Variants in FLRT3 observed in about 807,000 individuals in gnomAD.
The protein encoded by FLRT3 is leucine-rich repeat transmembrane protein FLRT3.
FLRT3 carries 17 observed loss-of-function variants against 42.6 expected under a neutral mutation model. That is an observed-to-expected ratio of 0.40 (90% CI 0.27 to 0.60). The LOEUF is 0.60. Ranked by LOEUF, FLRT3 falls within the 20% of genes least tolerant of loss-of-function variation. FLRT3 has a pLI of 0.44. For synonymous variants in FLRT3, 279 were observed against 286.4 expected, an observed-to-expected ratio of 0.97 and a Z score of 0.26; for missense variants, 635 against 789.2, an observed-to-expected ratio of 0.80 and a Z score of 2.34.
chr20:14,330,647 C>T (rs912184897), intron 1 of FLRT3, among the ~76,000 whole-genome samples: 1 of 152,016 alleles, frequency 6.6e-6, no homozygotes, highest in African/African-American at 2.4e-5. Context: ...ATTATTTACG[C>T]AACTTGAAAC....
rs1283843617 is a variant in FLRT3 at position 14,326,949 on chromosome 20, G to A, written c.558C>T (p.Arg186=). 8 of 1,613,726 alleles carry A rather than the reference G, an allele frequency of 5.0e-6. No individual in the cohort carries two copies. Among genetic ancestry groups the A allele is most frequent in the Non-Finnish European group, 6.8e-6 (8 of 1,179,770 alleles). ...TIEELRLDDN[R]ISTISSPSLQ... is the part of the protein sequence containing the mutation. ...GAGATGGTGATGAAATAGTGGATAT[G>A]CGATTATCATCCAAGCGTAGTTCTT... The change falls in exon 3 of 3, where the codon CGC becomes CGT. Residue 186 remains arginine, a synonymous_variant. Coordinates refer to ENST00000341420, the MANE Select transcript of FLRT3 (RefSeq NM_198391.3). The surrounding 1 kb of genome is among the most constrained non-coding windows in gnomAD (Gnocchi z 5.5).
chr20:14,327,445 A>G lies in FLRT3; in HGVS notation c.62T>C (p.Val21Ala). 3 of 1,613,516 alleles carry G rather than the reference A, an allele frequency of 1.9e-6. No individual in the cohort carries two copies. Among genetic ancestry groups the G allele is most frequent in the South Asian group, 1.1e-5 (1 of 91,068 alleles). ...IGTKIGLFLQ[V>A]APLSVMAKSC... ...TTTAGCCATAACTGATAGAGGTGCT[A>G]CTTGAAGGAACAGCCCAATTTTAGT... The change falls in exon 3 of 3, where the codon GTA becomes GCA. Residue 21 changes from valine to alanine, a missense_variant. Transcript: ENST00000341420.
In FLRT3 at chr20:14,324,134, C is replaced by G. The variant is rs996050890; in HGVS notation, c.*1423G>C. ...AAAAAGCAAGCACAATTATTCTGTA[C>G]TTTTTAAAAGTTTTATTCAGCAATA... On this transcript the variant is annotated 3_prime_UTR_variant, in exon 3 of 3. Coordinates refer to ENST00000341420, the MANE Select transcript of FLRT3 (RefSeq NM_198391.3). 6.6e-6 allele frequency: 1 copy of G among 152,422 alleles called. No homozygotes were observed. Among genetic ancestry groups the G allele is most frequent in the Non-Finnish European group, 1.5e-5 (1 of 68,002 alleles). 9.4% of individuals were successfully genotyped at this position (152,422 alleles called of 1,614,324 possible).
rs913529919 is a variant in FLRT3 at position 14,325,412 on chromosome 20, A to G, written c.*145T>C. 3.1e-5 allele frequency: 24 copies of G among 785,582 alleles called. No homozygotes were observed. Among genetic ancestry groups the G allele is most frequent in the Middle Eastern group, 3.7e-4 (1 of 2,684 alleles). 48.7% of individuals were successfully genotyped at this position (785,582 alleles called of 1,614,324 possible). ...TTGAAACTTTTAATAAAAAGTTCTT[A>G]AATATAAATTATATGGCAAATGTAC... On this transcript the variant is annotated 3_prime_UTR_variant, in exon 3 of 3. Transcript: ENST00000341420.
intron 2 of FLRT3, 24 bp downstream of exon 2, chr20:14,329,110 A>G (rs746727037): frequency 6.6e-6 from 1 of 152,106 alleles, no homozygotes; most frequent in African/African-American, 2.4e-5. Flanking sequence ...TTTGTACAGT[A>G]GCTACATCCT....
chr20:14,335,010 A>T (rs1310178391), intron 1 of FLRT3, among the ~76,000 whole-genome samples: 2 of 152,206 alleles, frequency 1.3e-5, no homozygotes, highest in Admixed American at 6.5e-5. Flanking sequence ...TGGTATGAAC[A>T]TTGGCATATC....
At chr20:14,333,301 G>A (rs1194566315) in intron 1 of FLRT3, among the ~76,000 whole-genome samples, 24 of 152,028 alleles carry the variant, frequency 1.6e-4, no homozygotes, top group Admixed American at 6.6e-4. Context: ...TCCCCGGTAC[G>A]TTTCTGACAA....
chr20:14,326,489 C>A lies in FLRT3; in HGVS notation c.1018G>T (p.Val340Phe), dbSNP rs756352350. ...AGATCCTTAATAGCCATCCCACGAACCTTTTCTGGGGCTTGGCACATGAGC... is the reference window on the plus strand; with the variant it reads ...AGATCCTTAATAGCCATCCCACGAAACTTTTCTGGGGCTTGGCACATGAGC... ...RGLMCQAPEK[V>F]RGMAIKDLNA... The change falls in exon 3 of 3, where the codon GTT becomes TTT. Residue 340 changes from valine (V) to phenylalanine (F), a missense_variant. Val to Phe is a conservative substitution (Grantham distance 50). Transcript: ENST00000341420. This position sits in a 1 kb window ranked among gnomAD's most constrained non-coding sequence, Gnocchi z 5.5. The A allele has an allele frequency of 2.5e-6, 4 of 1,613,882 alleles. No homozygotes were observed. The highest frequency in any genetic ancestry group is 2.7e-5 in the African/African-American group (2 of 75,012).
intron 1 of FLRT3, among the ~76,000 whole-genome samples, chr20:14,335,615 A>C (rs1003461626): frequency 3.3e-5 from 5 of 152,172 alleles, no homozygotes; most frequent in African/African-American, 1.2e-4. Flanking sequence ...TTTTGAACCC[A>C]GTCATAATTG....
At chr20:14,337,234 G>T (rs204607) in intron 1 of FLRT3, among the ~76,000 whole-genome samples, 170 bp downstream of exon 1, 1 of 152,114 alleles carries the variant, frequency 6.6e-6, no homozygotes, top group African/African-American at 2.4e-5. Flanking sequence ...ATTCAGCCAT[G>T]ATAGTGAAAT....
At position 14,325,659 on chromosome 20, in the gene FLRT3, A is replaced by G; in HGVS notation, c.1848T>C (p.Pro616=). 1.2e-6 allele frequency: 2 copies of G among 1,613,758 alleles called. No homozygotes were observed. Among genetic ancestry groups the G allele is most frequent in the Non-Finnish European group, 1.7e-6 (2 of 1,179,776 alleles). ...TTTTGTACAGATTCATTCCATTAGGAGGAAATATGGTGTGTATTACAAACT... is the reference window on the plus strand; with the variant it reads ...TTTTGTACAGATTCATTCCATTAGGGGGAAATATGGTGTGTATTACAAACT... The part of the protein sequence containing the change: ...KEEFVIHTIF[P]PNGMNLYKNN... The change falls in exon 3 of 3, where the codon CCT becomes CCC. Residue 616 remains proline, a synonymous_variant. Transcript: ENST00000341420.
In FLRT3 at chr20:14,325,338, A is replaced by C. The variant is rs1319741755; in HGVS notation, c.*219T>G. The stretch of plus-strand genomic sequence containing the variant: ...TTACTAAAAAATACTAAAATATAGA[A>C]TTGTGTTCAGGCATCTCCACTACAT... On this transcript the variant is annotated 3_prime_UTR_variant, in exon 3 of 3. Coordinates refer to ENST00000341420, the MANE Select transcript of FLRT3 (RefSeq NM_198391.3). The C allele has an allele frequency of 2.4e-6, 1 of 419,110 alleles. No homozygotes were observed. Among genetic ancestry groups the C allele is most frequent in the African/African-American group, 2.1e-5 (1 of 48,586 alleles). 26.0% of individuals were successfully genotyped at this position (419,110 alleles called of 1,614,324 possible). A position where few individuals can be genotyped will look rare whatever the true frequency, so the allele number is the denominator to read the frequency against.
chr20:14,330,309 C>T (rs2301025), intron 1 of FLRT3, among the ~76,000 whole-genome samples: 59,316 of 151,684 alleles, frequency 0.39, 12,855 homozygotes, highest in Non-Finnish European at 0.49. Flanking sequence ...GAGTAATATT[C>T]GAATTGGTTA....
intron 2 of FLRT3, among the ~76,000 whole-genome samples, chr20:14,328,616 A>C (rs894442342): frequency 1.5e-4 from 23 of 152,102 alleles, no homozygotes; most frequent in Admixed American, 1.5e-3. Context: ...GCGGGGGTGA[A>C]TATCCAATGC....
chr20:14,327,354 G>A lies in FLRT3; in HGVS notation c.153C>T (p.Ser51=). 1.2e-6 allele frequency: 2 copies of A among 1,613,770 alleles called. No individual in the cohort carries two copies. Among genetic ancestry groups the A allele is most frequent in the Non-Finnish European group, 1.7e-6 (2 of 1,179,750 alleles). The part of the protein sequence containing the change: ...FIYCNDRFLT[S]IPTGIPEDAT... ...CATCCTCTGGTATTCCTGTTGGAATGGATGTCAGAAAGCGATCATTACAGT... is the reference window on the plus strand; with the variant it reads ...CATCCTCTGGTATTCCTGTTGGAATAGATGTCAGAAAGCGATCATTACAGT... The change falls in exon 3 of 3, where the codon TCC becomes TCT. Residue 51 remains serine (S), a synonymous_variant. Coordinates refer to ENST00000341420, the MANE Select transcript of FLRT3 (RefSeq NM_198391.3).
chr20:14,323,900 A>C lies in FLRT3; in HGVS notation c.*1657T>G, dbSNP rs1438057440. On this transcript the variant is annotated 3_prime_UTR_variant, in exon 3 of 3. Coordinates refer to ENST00000341420, the MANE Select transcript of FLRT3 (RefSeq NM_198391.3). ...AGAAAGGCTTTGAAACCATTTCTTA[A>C]ATTTTCCATCTATACAGTGTATAAG... 1 of 152,182 alleles carries C rather than the reference A, an allele frequency of 6.6e-6. No homozygotes were observed. The highest frequency in any genetic ancestry group is 1.5e-5 in the Non-Finnish European group (1 of 68,032). The allele number at this position is 152,182 out of a possible 1,614,324, so 9.4% of individuals were successfully genotyped here. A position where few individuals can be genotyped will look rare whatever the true frequency, so the allele number is the denominator to read the frequency against.
At chr20:14,328,474 T>C (rs927440102) in intron 2 of FLRT3, among the ~76,000 whole-genome samples, 3 of 152,150 alleles carry the variant, frequency 2.0e-5, no homozygotes, top group African/African-American at 7.2e-5. Context: ...TGGCAAAGTA[T>C]AGATTTATAC....
chr20:14,334,260 A>G (rs564158271), intron 1 of FLRT3, among the ~76,000 whole-genome samples: 1 of 152,302 alleles, frequency 6.6e-6, no homozygotes, highest in East Asian at 1.9e-4. Context: ...TGTTTAACCA[A>G]ATTGAGTGAT....
intron 1 of FLRT3, among the ~76,000 whole-genome samples, chr20:14,335,293 A>G (rs1449983119): frequency 2.0e-5 from 3 of 152,156 alleles, no homozygotes; most frequent in African/African-American, 7.2e-5. Flanking sequence ...TGGAGTTTCT[A>G]TTTGATTGGG....
Sources: gnomAD v4.1 joint callset for allele counts (sites outside exome capture counted in the v4.1 genomes callset) on GRCh38, gnomAD v4.1.1 for gene constraint, Gnocchi (gnomAD v3.1) non-coding constraint, MANE v1.5 for transcripts, NCBI Gene and HGNC (gene_info 2026-07-23, HGNC 2026-07-21) for gene names.